The following BCL2 variants were observed in gnomAD, a reference collection of about 807,000 sequenced individuals.
The protein encoded by BCL2 is apoptosis regulator Bcl-2.
In BCL2, 1 loss-of-function variant was observed where a neutral mutation model predicts 14.2. The ratio of observed to expected loss-of-function variants is 0.07; its 90% CI spans 0.02 to 0.33. The LOEUF (loss-of-function observed/expected upper bound fraction) is 0.33. Ranked by LOEUF, BCL2 falls within the 10% of genes least tolerant of loss-of-function variation. BCL2 has a pLI of 0.99. For synonymous variants in BCL2, 151 were observed against 137.2 expected (o/e 1.10, Z -0.70); for missense variants, 247 against 305.9 (o/e 0.81, Z 1.44).
intron 2 of BCL2, among the ~76,000 whole-genome samples, chr18:63,284,096 G>A (rs1912395427): frequency 6.6e-6 from 1 of 152,298 alleles, no homozygotes; most frequent in Middle Eastern, 3.4e-3. Flanking sequence ...ATATGGTGCT[G>A]GCAGCCTTGG....
chr18:63,189,395 T>C (rs1915666661), intron 2 of BCL2, among the ~76,000 whole-genome samples: 1 of 152,082 alleles, frequency 6.6e-6, no homozygotes, highest in South Asian at 2.1e-4. Flanking sequence ...TCTGAAACCA[T>C]AAACAACGCT....
intron 2 of BCL2, among the ~76,000 whole-genome samples, chr18:63,163,364 C>T (rs1295398963): frequency 1.3e-5 from 2 of 152,194 alleles, no homozygotes; most frequent in Non-Finnish European, 2.9e-5. Context: ...CCTAATATAT[C>T]ACTTCTTATA....
chr18:63,302,484 T>C (rs751641309), intron 2 of BCL2: 6 of 985,304 alleles, frequency 6.1e-6, no homozygotes, highest in Non-Finnish European at 7.2e-6. Flanking sequence ...TTGGCTTCCT[T>C]ATGAAATACC....
intron 2 of BCL2, among the ~76,000 whole-genome samples, chr18:63,159,581 C>CA (rs2144617288): frequency 6.6e-6 from 1 of 152,298 alleles, no homozygotes; most frequent in East Asian, 1.9e-4. Context: ...TAGAATGTAA[C>CA]AGAGACAGGA....
chr18:63,310,451 T>TCCGG (rs967146379), intron 2 of BCL2, among the ~76,000 whole-genome samples: 2 of 152,184 alleles, frequency 1.3e-5, no homozygotes, highest in Admixed American at 6.5e-5. Context: ...CAACATTATC[T>TCCGG]CCGGCATGAA....
chr18:63,138,899 G>A (rs952199365), intron 2 of BCL2, among the ~76,000 whole-genome samples: 2 of 152,246 alleles, frequency 1.3e-5, no homozygotes, highest in Non-Finnish European at 2.9e-5. Flanking sequence ...GAGCTGGGGA[G>A]GCTGAAAAAT....
At chr18:63,191,810 T>C (rs1219882214) in intron 2 of BCL2, among the ~76,000 whole-genome samples, 1 of 152,206 alleles carries the variant, frequency 6.6e-6, no homozygotes, top group Non-Finnish European at 1.5e-5. Flanking sequence ...GGACAGACTG[T>C]TGCATGTGAT....
intron 2 of BCL2, among the ~76,000 whole-genome samples, chr18:63,197,926 T>G (rs2144658445): frequency 6.6e-6 from 1 of 152,302 alleles, no homozygotes; most frequent in African/African-American, 2.4e-5. Flanking sequence ...TCTGTCTTCC[T>G]CAGTCTGGTG....
chr18:63,222,533 G>A (rs527753026), intron 2 of BCL2, among the ~76,000 whole-genome samples: 1 of 151,890 alleles, frequency 6.6e-6, no homozygotes, highest in African/African-American at 2.4e-5. Context: ...GAGAAAATTA[G>A]GATTACATGA....
At chr18:63,177,586 T>C (rs1251664365) in intron 2 of BCL2, among the ~76,000 whole-genome samples, 1 of 152,216 alleles carries the variant, frequency 6.6e-6, no homozygotes, top group African/African-American at 2.4e-5. Flanking sequence ...AACTGGAATC[T>C]TTGCTGACAT....
chr18:63,158,483 G>A (rs1914839956), intron 2 of BCL2, among the ~76,000 whole-genome samples: 1 of 151,736 alleles, frequency 6.6e-6, no homozygotes, highest in African/African-American at 2.4e-5. Context: ...CCCCCAGGCA[G>A]CCTGACAGCC....
intron 2 of BCL2, among the ~76,000 whole-genome samples, chr18:63,312,728 T>C (rs1163672604): frequency 6.6e-6 from 1 of 152,232 alleles, no homozygotes; most frequent in African/African-American, 2.4e-5. Context: ...AAAACCTACT[T>C]GTATTTTTTG....
At chr18:63,180,509 C>T (rs1166233346) in intron 2 of BCL2, among the ~76,000 whole-genome samples, 1 of 150,690 alleles carries the variant, frequency 6.6e-6, no homozygotes, top group Non-Finnish European at 1.5e-5. Context: ...GCTGTCCGCC[C>T]ACCCCACCCC....
At chr18:63,275,583 C>T (rs554610092) in intron 2 of BCL2, among the ~76,000 whole-genome samples, 1 of 152,068 alleles carries the variant, frequency 6.6e-6, no homozygotes, top group African/African-American at 2.4e-5. Context: ...TTCATATTGT[C>T]GAAAAATAAA....
chr18:63,242,046 G>A (rs939554870), intron 2 of BCL2, among the ~76,000 whole-genome samples: 2 of 152,128 alleles, frequency 1.3e-5, no homozygotes, highest in Non-Finnish European at 2.9e-5. Flanking sequence ...GTGACTCCAA[G>A]GTGTAGATCT....
At chr18:63,199,174 T>C (rs1340576957) in intron 2 of BCL2, among the ~76,000 whole-genome samples, 1 of 126,234 alleles carries the variant, frequency 7.9e-6, no homozygotes, top group Non-Finnish European at 1.6e-5. Flanking sequence ...ACACATCACA[T>C]AGACACATAC....
intron 2 of BCL2, among the ~76,000 whole-genome samples, chr18:63,274,043 A>G (rs566506035): frequency 1.1e-3 from 163 of 152,212 alleles, no homozygotes; most frequent in Admixed American, 1.9e-3. Flanking sequence ...CCATTTTTAC[A>G]TTGTACTTCC....
At position 63,253,105 on chromosome 18, in the gene BCL2, C is replaced by T. The variant is rs145612915; in HGVS notation, c.585+64977G>A. On this transcript the variant is annotated intron_variant, in intron 2 of 2. Transcript: ENST00000333681. ...TTATGCATGGTGTAGCTGCCACTTACGTAGTGTTTATTACATAGCTGGCAC... is the reference window on the plus strand; with the variant it reads ...TTATGCATGGTGTAGCTGCCACTTATGTAGTGTTTATTACATAGCTGGCAC... Among the ~76,000 whole-genome samples the T allele has an allele frequency of 8.5e-3, 1,289 of 152,326 alleles. 8 individuals are homozygous for T. Among genetic ancestry groups the T allele is most frequent in the Non-Finnish European group, 0.013 (918 of 68,030 alleles).
chr18:63,203,699 C>CACAT (rs1320364466), intron 2 of BCL2, among the ~76,000 whole-genome samples: 1 of 152,154 alleles, frequency 6.6e-6, no homozygotes, highest in Non-Finnish European at 1.5e-5. Flanking sequence ...CACACACACA[C>CACAT]ACATACACAC....
Sources: allele counts gnomAD v4.1 joint callset (sites outside exome capture counted in the v4.1 genomes callset), GRCh38; gene constraint gnomAD v4.1.1; transcripts MANE v1.5; gene names NCBI Gene and HGNC (gene_info 2026-07-23, HGNC 2026-07-21).